PRKN: variants seen among roughly 807,000 people sequenced by gnomAD.
PRKN encodes the protein parkin RBR E3 ubiquitin protein ligase.
In PRKN, 56 loss-of-function variants were observed where a neutral mutation model predicts 59.5. The observed-to-expected ratio is 0.94, with a 90% CI of 0.76 to 1.18. The LOEUF is 1.18. PRKN is among the 50% of genes most tolerant of loss of function. PRKN has a pLI of 0.00. For synonymous variants in PRKN, 250 were observed against 222.1 expected, an observed-to-expected ratio of 1.13 and a Z score of -1.12; for missense variants, 657 against 596.4, an observed-to-expected ratio of 1.10 and a Z score of -1.06.
intron 7 of PRKN, among the ~76,000 whole-genome samples, chr6:161,776,285 C>G (rs1789921172): frequency 6.6e-6 from 1 of 152,188 alleles, no homozygotes; most frequent in African/African-American, 2.4e-5. Flanking sequence ...CAATTCCGAG[C>G]ATAGACTACT....
In PRKN at chr6:162,034,186, T is replaced by TATAGAG. The variant is rs1349695864; in HGVS notation, c.618+19904_618+19905insCTCTAT. Reference sequence around the variant, plus strand: ...ACACATACATATATATATATATATATAGAGAGAGAGAGAGAGAGAGAGAGA... The same window carrying TATAGAG: ...ACACATACATATATATATATATATATATAGAGAGAGAGAGAGAGAGAGAGAGAGAGA... On this transcript the variant is annotated intron_variant, in intron 5 of 11. Transcript: ENST00000366898. Among the ~76,000 whole-genome samples, 1,114 of 133,260 alleles carry TATAGAG rather than the reference T, an allele frequency of 8.4e-3. 9 individuals carry two copies. Among genetic ancestry groups the TATAGAG allele is most frequent in the East Asian group, 0.014 (60 of 4,386 alleles). The allele number at this position is 133,260 out of a possible 152,430, so 87.4% of individuals were successfully genotyped here.
chr6:162,535,144 A>C (rs1778665437), intron 1 of PRKN, among the ~76,000 whole-genome samples: 1 of 152,138 alleles, frequency 6.6e-6, no homozygotes, highest in Non-Finnish European at 1.5e-5. Context: ...AGTCCTTCAC[A>C]GCAGTGCCAG....
At chr6:162,145,373 T>C (rs957639033) in intron 4 of PRKN, among the ~76,000 whole-genome samples, 11 of 152,178 alleles carry the variant, frequency 7.2e-5, no homozygotes, top group African/African-American at 2.2e-4. Context: ...CTGGGGAAAT[T>C]GTTCTTTTCC....
At chr6:162,509,892 C>T (rs377551089) in intron 1 of PRKN, among the ~76,000 whole-genome samples, 2 of 152,228 alleles carry the variant, frequency 1.3e-5, no homozygotes, top group African/African-American at 4.8e-5. Context: ...CGTGAACTAT[C>T]CCTCCTGGTG....
At chr6:161,810,046 T>C (rs945589084) in intron 6 of PRKN, among the ~76,000 whole-genome samples, 12 of 152,180 alleles carry the variant, frequency 7.9e-5, no homozygotes, top group Non-Finnish European at 1.3e-4. Context: ...TTAAAATTCG[T>C]GCATTGAAGT....
intron 6 of PRKN, among the ~76,000 whole-genome samples, chr6:161,886,887 T>C (rs890773069): frequency 1.3e-5 from 2 of 152,132 alleles, no homozygotes; most frequent in African/African-American, 4.8e-5. Context: ...TTTCTCCGTA[T>C]TGCAACAAAA....
At chr6:162,279,959 T>C (rs1344138998) in intron 2 of PRKN, among the ~76,000 whole-genome samples, 1 of 152,206 alleles carries the variant, frequency 6.6e-6, no homozygotes, top group Admixed American at 6.5e-5. Context: ...TCTTTGTTGG[T>C]TTAATGTCTG....
At chr6:161,493,553 G>T (rs1379957195) in intron 9 of PRKN, among the ~76,000 whole-genome samples, 1 of 152,280 alleles carries the variant, frequency 6.6e-6, no homozygotes, top group Admixed American at 6.5e-5. Flanking sequence ...ATGGACGAAC[G>T]GAAGGACTAA....
chr6:162,347,652 A>G (rs1165739851), intron 2 of PRKN, among the ~76,000 whole-genome samples: 1 of 152,126 alleles, frequency 6.6e-6, no homozygotes, highest in Non-Finnish European at 1.5e-5. Flanking sequence ...TTTATATAGC[A>G]TTTGTTAATT....
chr6:162,414,726 A>AAAAAAAAAAAAAAAAAAATT, intron 2 of PRKN, among the ~76,000 whole-genome samples: 1 of 91,874 alleles, frequency 1.1e-5, no homozygotes, highest in East Asian at 3.7e-4. Context: ...AAAAAAAAAA[A>AAAAAAAAAAAAAAAAAAATT]AGTGAATCTT....
At chr6:162,310,832 A>T (rs1350015291) in intron 2 of PRKN, among the ~76,000 whole-genome samples, 6 of 152,104 alleles carry the variant, frequency 3.9e-5, no homozygotes, top group Admixed American at 3.9e-4. Flanking sequence ...TTTAAAAACT[A>T]GTGAATTCAA....
At chr6:162,533,719 C>T (rs141784990) in intron 1 of PRKN, among the ~76,000 whole-genome samples, 45 of 152,016 alleles carry the variant, frequency 3.0e-4, no homozygotes, top group Non-Finnish European at 2.9e-4. Flanking sequence ...ACCTGTAATC[C>T]CAACACTTTG....
At chr6:162,359,374 G>A (rs1046274844) in intron 2 of PRKN, among the ~76,000 whole-genome samples, 14 of 151,834 alleles carry the variant, frequency 9.2e-5, no homozygotes, top group African/African-American at 3.1e-4. Context: ...ATTTTACAGA[G>A]GTGGAAAATG....
intron 6 of PRKN, among the ~76,000 whole-genome samples, chr6:161,920,603 G>C (rs1388922848): frequency 2.6e-5 from 4 of 151,706 alleles, no homozygotes; most frequent in Non-Finnish European, 5.9e-5. Context: ...TGGCCAACAT[G>C]GTGAAACCCC....
intron 1 of PRKN, among the ~76,000 whole-genome samples, chr6:162,540,290 T>C (rs1187339891): frequency 6.6e-6 from 1 of 152,044 alleles, no homozygotes; most frequent in Non-Finnish European, 1.5e-5. Context: ...AGTGCAATGG[T>C]GTGATCTCAG....
rs1365410916 is a variant in PRKN, at chr6:162,603,074, AT to A, written c.7+124587del. On this transcript the variant is annotated intron_variant, in intron 1 of 11. Transcript: ENST00000366898. The stretch of plus-strand genomic sequence containing the variant: ...TTTTAGTTTTCACACAAAACAAAGG[AT>A]TTTTTCTTTTGGTTCGTGGGGTGTT... 2.0e-5 allele frequency among the ~76,000 whole-genome samples: 3 copies of A among 152,116 alleles called. No individual in the cohort carries two copies. The East Asian group carries it at 5.8e-4, about 29-fold the overall frequency.
At position 161,631,022 on chromosome 6, in the gene PRKN, G is replaced by A. The variant is rs117927605; in HGVS notation, c.872-61606C>T. On this transcript the variant is annotated intron_variant, in intron 7 of 11. Coordinates refer to ENST00000366898, the MANE Select transcript of PRKN (RefSeq NM_004562.3). ...CACTACCCCAGAAGGGTGGGGCCAC[G>A]CTTTCTAGGCAGGCTGCTCCTGCTA... Among the ~76,000 whole-genome samples, 174 of 152,316 alleles carry A rather than the reference G, an allele frequency of 1.1e-3. 3 individuals are homozygous for A. In the East Asian group the frequency reaches 0.03, roughly 26 times the overall value.
At chr6:162,157,295 C>G (rs1255057938) in intron 4 of PRKN, among the ~76,000 whole-genome samples, 2 of 151,818 alleles carry the variant, frequency 1.3e-5, no homozygotes, top group Non-Finnish European at 2.9e-5. Context: ...CATGCTAGCT[C>G]CTGGCTTTGT....
intron 1 of PRKN, among the ~76,000 whole-genome samples, chr6:162,608,506 A>G (rs1261898926): frequency 6.6e-6 from 1 of 152,224 alleles, no homozygotes; most frequent in Non-Finnish European, 1.5e-5. Context: ...TGTGAGCAAG[A>G]AAGAATGTGG....
Sources: gnomAD v4.1 joint callset for allele counts (sites outside exome capture counted in the v4.1 genomes callset) on GRCh38, gnomAD v4.1.1 for gene constraint, MANE v1.5 for transcripts, NCBI Gene and HGNC (gene_info 2026-07-23, HGNC 2026-07-21) for gene names.